Variants in CASP10 observed in about 807,000 individuals in gnomAD.
CASP10 encodes the protein caspase 10.
A neutral mutation model predicts 48.5 loss-of-function variants in CASP10; 41 were observed. The ratio of observed to expected loss-of-function variants is 0.85; its 90% CI spans 0.66 to 1.10. CASP10 has a LOEUF of 1.10. Among genes scored for constraint, CASP10 ranks in the 50% least tolerant of loss-of-function variants. CASP10 has a pLI of 0.00. For missense variants in CASP10, 614 were observed against 614.5 expected (o/e 1.00, Z 0.01); for synonymous variants, 232 against 238.4 (o/e 0.97, Z 0.25).
chr2:201,210,705 T>C lies in CASP10; in HGVS notation c.1415+1143T>C, dbSNP rs41394749. Among the ~76,000 whole-genome samples the C allele has an allele frequency of 8.7e-4, 133 of 152,292 alleles. 1 individual carries two copies. Among genetic ancestry groups the C allele is most frequent in the African/African-American group, 3.1e-3 (128 of 41,550 alleles). On this transcript the variant is annotated intron_variant, in intron 9 of 9. Coordinates refer to ENST00000286186, the MANE Select transcript of CASP10 (RefSeq NM_032977.4). ...GGCTTCAGGAACAAGGCAATATTTATTGAGAGCGTACTATGTGCTTACTGT... is the reference window on the plus strand; with the variant it reads ...GGCTTCAGGAACAAGGCAATATTTACTGAGAGCGTACTATGTGCTTACTGT...
intron 4 of CASP10, 33 bp from the exon 5 acceptor site, chr2:201,195,809 T>C (rs773037513): frequency 6.5e-7 from 1 of 1,545,134 alleles, no homozygotes; most frequent in South Asian, 1.1e-5. Flanking sequence ...CAGAAGGTGA[T>C]TTTTATTTTT....
intron 9 of CASP10, among the ~76,000 whole-genome samples, chr2:201,217,318 C>CA (rs1197077154): frequency 6.6e-6 from 1 of 152,156 alleles, no homozygotes; most frequent in African/African-American, 2.4e-5. Context: ...GTAATCCCAG[C>CA]ACTTTGGGAG....
intron 9 of CASP10, chr2:201,214,323 G>C (rs1298067119): frequency 6.6e-6 from 1 of 152,138 alleles, no homozygotes; most frequent in African/African-American, 2.4e-5. Flanking sequence ...AATTAGTTCT[G>C]TGGCTGTAAA....
intron 1 of CASP10, among the ~76,000 whole-genome samples, chr2:201,184,701 T>C (rs887627372): frequency 6.6e-6 from 1 of 152,232 alleles, no homozygotes; most frequent in Admixed American, 6.5e-5. Context: ...CCTCAAGTGC[T>C]TATAGAATAA....
At chr2:201,197,025 T>G (rs549649671) in intron 5 of CASP10, among the ~76,000 whole-genome samples, 2 of 152,308 alleles carry the variant, frequency 1.3e-5, no homozygotes, top group Non-Finnish European at 2.9e-5. Context: ...CCTTCCTTTT[T>G]AAAGGCTGAA....
Position 201,217,768 on chromosome 2 carries a change from C to A in CASP10, c.*27C>A. 1.2e-6 allele frequency: 2 copies of A among 1,613,640 alleles called. No homozygotes were observed. The highest frequency in any genetic ancestry group is 1.7e-6 in the Non-Finnish European group (2 of 1,179,680). ...AGAGAGTTTTTGTTGGTTCTTAGAC[C>A]TCAAACGAATCATTGGCTATAACCT... On this transcript the variant is annotated 3_prime_UTR_variant, in exon 10 of 10. Coordinates refer to ENST00000286186, the MANE Select transcript of CASP10 (RefSeq NM_032977.4).
intron 5 of CASP10, among the ~76,000 whole-genome samples, chr2:201,198,137 G>A (rs902128634): frequency 1.8e-4 from 27 of 152,040 alleles, no homozygotes; most frequent in African/African-American, 6.0e-4. Flanking sequence ...TGCTTTTGGC[G>A]ATTTGTATAT....
chr2:201,212,263 G>T (rs1945422949), intron 9 of CASP10: 1 of 152,178 alleles, frequency 6.6e-6, no homozygotes, highest in Non-Finnish European at 1.5e-5. Context: ...CTGTGGTTTT[G>T]ATTTGCATTT....
At position 201,229,134 on chromosome 2, in the gene CASP10, T is replaced by C. The variant is rs372429072; in HGVS notation, c.*51T>C. ...TGCCTTCCAGCCACATCGCCTGAGA[T>C]TGACAACGCCCTACAGCAAGACGGA... On this transcript the variant is annotated 3_prime_UTR_variant, in exon 10 of 10. Transcript: ENST00000272879. The C allele has an allele frequency of 4.3e-6, 7 of 1,611,508 alleles. No individual in the cohort carries two copies. In the Admixed American group the frequency reaches 5.0e-5, roughly 12 times the overall value.
At chr2:201,225,889 C>T (rs1183345564), downstream of CASP10, among the ~76,000 whole-genome samples, 1 of 152,108 alleles carries the variant, frequency 6.6e-6, no homozygotes, top group East Asian at 1.9e-4. Context: ...TTGCTTGACT[C>T]TGGCAGGTGG....
Position 201,209,429 on chromosome 2 carries a change from G to A in CASP10, c.1282G>A (p.Asp428Asn). The A allele has an allele frequency of 6.2e-7, 1 of 1,614,128 alleles. No homozygotes were observed. Among genetic ancestry groups the A allele is most frequent in the Non-Finnish European group, 8.5e-7 (1 of 1,180,002 alleles). ...TGAGCAGGCACCCACTTCCCTGCAG[G>A]ACAGTATTCCTGCCGAGGCTGACTT... ...NPEQAPTSLQDSIPAEADFLL... is the reference protein window; with the variant it reads ...NPEQAPTSLQNSIPAEADFLL... Residue 428 changes from aspartate to asparagine, a missense_variant, in exon 9 of 10, where the codon GAC becomes AAC. Coordinates refer to ENST00000286186, the MANE Select transcript of CASP10 (RefSeq NM_032977.4).
At chr2:201,212,630 A>T (rs1322336384) in intron 9 of CASP10, 1 of 152,230 alleles carries the variant, frequency 6.6e-6, no homozygotes, top group Non-Finnish European at 1.5e-5. Flanking sequence ...TCAGCCAATT[A>T]GTAGAAAAGA....
chr2:201,189,167 C>T (rs1428766994), intron 3 of CASP10, among the ~76,000 whole-genome samples: 2 of 152,066 alleles, frequency 1.3e-5, no homozygotes, highest in African/African-American at 2.4e-5. Flanking sequence ...CCACCATACC[C>T]GGCCACATAT....
intron 5 of CASP10, among the ~76,000 whole-genome samples, chr2:201,198,225 CTTT>C (rs775115555): frequency 3.6e-5 from 5 of 138,734 alleles, no homozygotes; most frequent in African/African-American, 5.3e-5. Flanking sequence ...ATTTTTAATT[CTTT>C]TTTTTTTTTT....
intron 3 of CASP10, among the ~76,000 whole-genome samples, chr2:201,189,121 C>A (rs1370717489): frequency 6.6e-6 from 1 of 152,094 alleles, no homozygotes; most frequent in East Asian, 1.9e-4. Flanking sequence ...ATCCACCCGT[C>A]TCGGCCTCCC....
chr2:201,216,556 C>G (rs973318950), intron 9 of CASP10, among the ~76,000 whole-genome samples: 20 of 151,944 alleles, frequency 1.3e-4, no homozygotes, highest in African/African-American at 4.8e-4. Flanking sequence ...AGGTAAGGGC[C>G]TGCATCCCTT....
In CASP10 at chr2:201,229,050, A is replaced by AC. The variant is rs747895695; in HGVS notation, c.1539dup (p.Met514HisfsTer76). ...CGGCCATCTCTGCGCAGACACCTCG[A>AC]CCCCCCATGCGCAGGTGGAGCAGCG... On this transcript the variant is annotated frameshift_variant, in exon 10 of 10. Coordinates refer to the CASP10 transcript ENST00000272879. LOFTEE classifies it high-confidence loss of function. 14 of 1,613,882 alleles carry AC rather than the reference A, an allele frequency of 8.7e-6. No individual in the cohort carries two copies. Among genetic ancestry groups the AC allele is most frequent in the Admixed American group, 5.0e-5 (3 of 59,974 alleles).
At chr2:201,196,176 AGTTT>A (rs1219461384) in intron 5 of CASP10, among the ~76,000 whole-genome samples, 1 of 152,204 alleles carries the variant, frequency 6.6e-6, no homozygotes, top group Non-Finnish European at 1.5e-5. Flanking sequence ...AGAGCTAGTT[AGTTT>A]GAGTTCTCGC....
At chr2:201,214,594 T>C (rs537994643) in intron 9 of CASP10, 21 of 152,280 alleles carry the variant, frequency 1.4e-4, no homozygotes, top group African/African-American at 5.1e-4. Flanking sequence ...TTGATTCAAA[T>C]TGTATAATTT....
Sources: allele counts gnomAD v4.1 joint callset (sites outside exome capture counted in the v4.1 genomes callset), GRCh38; gene constraint gnomAD v4.1.1; transcripts MANE v1.5; gene names NCBI Gene and HGNC (gene_info 2026-07-23, HGNC 2026-07-21).